Variants in FSTL5 observed in about 807,000 individuals in gnomAD.
FSTL5 encodes follistatin like 5, also known as follistatin-related protein 5.
A neutral mutation model predicts 89.1 loss-of-function variants in FSTL5; 62 were observed. That is an observed-to-expected ratio of 0.70 (90% CI 0.57 to 0.86). The LOEUF (loss-of-function observed/expected upper bound fraction) is 0.86. FSTL5 is among the 40% of genes least tolerant of loss of function. FSTL5 has a pLI of 0.00. For synonymous variants in FSTL5, 383 were observed against 346.2 expected (o/e 1.11, Z -1.18); for missense variants, 1,057 against 1,001.6 (o/e 1.06, Z -0.75).
intron 3 of FSTL5, among the ~76,000 whole-genome samples, chr4:161,969,670 C>T (rs145889452): frequency 1.3e-5 from 2 of 152,060 alleles, no homozygotes; most frequent in African/African-American, 2.4e-5. Flanking sequence ...ATAATCCACA[C>T]GTATTTCCTG....
At chr4:161,617,183 A>G (rs755182696) in intron 7 of FSTL5, among the ~76,000 whole-genome samples, 8 of 151,988 alleles carry the variant, frequency 5.3e-5, no homozygotes, top group Non-Finnish European at 1.0e-4. Flanking sequence ...ATTCATATGT[A>G]TAAACATATA....
At chr4:161,523,359 C>T (rs1315348678) in intron 10 of FSTL5, among the ~76,000 whole-genome samples, 1 of 152,084 alleles carries the variant, frequency 6.6e-6, no homozygotes, top group African/African-American at 2.4e-5. Flanking sequence ...GCTCTGTGAA[C>T]CATAAAGGCA....
At chr4:161,618,073 C>T (rs951580449) in intron 7 of FSTL5, among the ~76,000 whole-genome samples, 1 of 151,026 alleles carries the variant, frequency 6.6e-6, no homozygotes, top group Non-Finnish European at 1.5e-5. Flanking sequence ...GTATTTTATT[C>T]TCTTTGAAGC....
At chr4:162,105,141 T>C (rs1579031550) in intron 2 of FSTL5, among the ~76,000 whole-genome samples, 3 of 152,202 alleles carry the variant, frequency 2.0e-5, no homozygotes, top group Admixed American at 2.0e-4. Context: ...TGATGTTTCA[T>C]ATGCATTCTG....
chr4:161,973,032 G>A (rs1412285960), intron 3 of FSTL5, among the ~76,000 whole-genome samples: 1 of 152,002 alleles, frequency 6.6e-6, no homozygotes, highest in African/African-American at 2.4e-5. Context: ...TTTTACTATG[G>A]CCTAGAAAAC....
intron 4 of FSTL5, among the ~76,000 whole-genome samples, chr4:161,823,306 G>A (rs1219456207): frequency 6.6e-6 from 1 of 152,134 alleles, no homozygotes; most frequent in Non-Finnish European, 1.5e-5. Flanking sequence ...CAGAGCCCAA[G>A]CTGTTCATCC....
At chr4:161,566,100 C>CTATATATATATATATA (rs59511238) in intron 8 of FSTL5, among the ~76,000 whole-genome samples, 2 of 54,062 alleles carry the variant, frequency 3.7e-5, no homozygotes, top group Non-Finnish European at 7.0e-5. Context: ...TTTTTTTGGA[C>CTATATATATATATATA]TATATATATA....
chr4:161,647,971 C>T (rs200484560), intron 7 of FSTL5, among the ~76,000 whole-genome samples: 1 of 152,114 alleles, frequency 6.6e-6, no homozygotes, highest in Non-Finnish European at 1.5e-5. Context: ...ACTGGCAGAA[C>T]GACACGGAGT....
intron 15 of FSTL5, among the ~76,000 whole-genome samples, chr4:161,451,849 C>T (rs1029833364): frequency 4.6e-5 from 7 of 152,178 alleles, no homozygotes; most frequent in Non-Finnish European, 8.8e-5. Context: ...TTCTTTACTT[C>T]CATTCCTATG....
intron 15 of FSTL5, among the ~76,000 whole-genome samples, chr4:161,421,295 C>A (rs558646238): frequency 6.0e-5 from 9 of 150,798 alleles, no homozygotes; most frequent in Non-Finnish European, 1.0e-4. Flanking sequence ...GAGCCAAGAT[C>A]GCGCCACTGC....
At chr4:161,677,004 T>C (rs572147781) in intron 6 of FSTL5, among the ~76,000 whole-genome samples, 5 of 152,174 alleles carry the variant, frequency 3.3e-5, no homozygotes, top group East Asian at 1.9e-4. Flanking sequence ...TAACAATATA[T>C]TTTTACTGAA....
chr4:161,459,246 C>G lies in FSTL5; in HGVS notation c.1682G>C (p.Trp561Ser). 6.2e-7 allele frequency: 1 copy of G among 1,612,996 alleles called. No individual in the cohort carries two copies. Reference sequence around the variant, plus strand: ...TGGTGATGTCTTCTCCAAGGTACCCCAGCTTAGCACCCAGACCTGATCATG... The same window carrying G: ...TGGTGATGTCTTCTCCAAGGTACCCGAGCTTAGCACCCAGACCTGATCATG... Reference protein sequence around the residue: ...KSHDQVWVLSWGTLEKTSPTL... With the variant: ...KSHDQVWVLSSGTLEKTSPTL... Residue 561 changes from tryptophan (W) to serine (S), a missense_variant, in exon 14 of 16, where the codon TGG becomes TCG. Around this residue, in one of 3 missense-constraint regions of FSTL5, gnomAD observed 980 missense variants for 903.2 expected, o/e 1.08. Coordinates refer to ENST00000306100, the MANE Select transcript of FSTL5 (RefSeq NM_020116.5).
At chr4:161,404,013 T>A (rs1469881823) in intron 15 of FSTL5, among the ~76,000 whole-genome samples, 1 of 152,170 alleles carries the variant, frequency 6.6e-6, no homozygotes, top group Non-Finnish European at 1.5e-5. Flanking sequence ...GTCTTGAAAA[T>A]AGAAGTCCAC....
intron 10 of FSTL5, among the ~76,000 whole-genome samples, chr4:161,533,285 A>T (rs1207508738): frequency 2.0e-5 from 3 of 151,942 alleles, no homozygotes; most frequent in Non-Finnish European, 4.4e-5. Context: ...ATAAAGCAAG[A>T]GTTTGTTTTT....
intron 7 of FSTL5, among the ~76,000 whole-genome samples, chr4:161,590,292 C>T (rs1171001596): frequency 6.6e-6 from 1 of 152,152 alleles, no homozygotes; most frequent in Non-Finnish European, 1.5e-5. Flanking sequence ...GTAATCCCAA[C>T]ACTTTGGGGG....
At chr4:161,464,794 T>C (rs949638450) in intron 13 of FSTL5, among the ~76,000 whole-genome samples, 1 of 152,154 alleles carries the variant, frequency 6.6e-6, no homozygotes, top group African/African-American at 2.4e-5. Context: ...ATTGTTATTA[T>C]TTATTTTCTT....
intron 4 of FSTL5, among the ~76,000 whole-genome samples, chr4:161,805,481 G>A (rs1407934622): frequency 6.6e-6 from 1 of 152,016 alleles, no homozygotes; most frequent in African/African-American, 2.4e-5. Context: ...TATGTAGCAT[G>A]CAAATGTTGC....
intron 1 of FSTL5, among the ~76,000 whole-genome samples, chr4:162,148,473 A>G (rs78124666): frequency 0.14 from 20,951 of 152,200 alleles, 1,963 homozygotes; most frequent in Non-Finnish European, 0.19. Flanking sequence ...AAATTTTAAT[A>G]TATCAACATA....
chr4:161,595,286 C>T (rs1035635296), intron 7 of FSTL5, among the ~76,000 whole-genome samples: 4 of 151,924 alleles, frequency 2.6e-5, no homozygotes, highest in African/African-American at 9.7e-5. Flanking sequence ...AGAGTTATGA[C>T]CTTAGAACAG....
Sources: allele counts gnomAD v4.1 joint callset (sites outside exome capture counted in the v4.1 genomes callset), GRCh38; gene constraint gnomAD v4.1.1; regional missense constraint gnomAD v4.1.1; transcripts MANE v1.5; gene names NCBI Gene and HGNC (gene_info 2026-07-23, HGNC 2026-07-21).